DDX60L: variants seen among roughly 807,000 people sequenced by gnomAD.
DDX60L encodes probable ATP-dependent RNA helicase DDX60-like.
DDX60L carries 191 observed loss-of-function variants against 211.6 expected under a neutral mutation model. The observed-to-expected ratio is 0.90, with a 90% confidence interval of 0.80 to 1.02. The LOEUF is 1.02. DDX60L is among the 50% of genes least tolerant of loss of function. The pLI is 0.00. For missense variants in DDX60L, 2,007 were observed against 1,984.1 expected, an observed-to-expected ratio of 1.01 and a Z score of -0.22; for synonymous variants, 706 against 694.1, an observed-to-expected ratio of 1.02 and a Z score of -0.27.
chr4:168,392,041 G>A (rs1457894480), intron 28 of DDX60L, among the ~76,000 whole-genome samples: 1 of 152,138 alleles, frequency 6.6e-6, no homozygotes, highest in African/African-American at 2.4e-5. Flanking sequence ...TCAACACCTG[G>A]AAGAGTATTG....
At chr4:168,389,219 CAT>C (rs1296844565) in intron 29 of DDX60L, among the ~76,000 whole-genome samples, 2 of 152,090 alleles carry the variant, frequency 1.3e-5, no homozygotes, top group African/African-American at 4.8e-5. Context: ...GATTGAGTGA[CAT>C]GAGGACAACA....
intron 4 of DDX60L, among the ~76,000 whole-genome samples, chr4:168,466,135 T>G (rs1757961829): frequency 1.3e-5 from 2 of 152,006 alleles, no homozygotes; most frequent in African/African-American, 4.8e-5. Flanking sequence ...AGCTTAAAAT[T>G]TCAATTTATG....
chr4:168,430,641 G>T lies in DDX60L; in HGVS notation c.1517-3C>A. On this transcript the variant is annotated splice_region_variant and splice_polypyrimidine_tract_variant and intron_variant, in intron 12 of 37. Transcript: ENST00000682922. The stretch of plus-strand genomic sequence containing the variant: ...AACATGAGGATCTCTAGATTGTTCT[G>T]AAATAGAAAGACTTAAAATGTAAAC... 4 of 1,521,286 alleles carry T rather than the reference G, an allele frequency of 2.6e-6. No homozygotes were observed. Among genetic ancestry groups the T allele is most frequent in the Non-Finnish European group, 3.5e-6 (4 of 1,134,296 alleles). The allele number at this position is 1,521,286 out of a possible 1,614,324, so 94.2% of individuals were successfully genotyped here. A position where few individuals can be genotyped will look rare whatever the true frequency, so the allele number is the denominator to read the frequency against.
chr4:168,417,009 A>C (rs1749686561), intron 19 of DDX60L, among the ~76,000 whole-genome samples: 1 of 152,180 alleles, frequency 6.6e-6, no homozygotes, highest in Non-Finnish European at 1.5e-5. Flanking sequence ...ACAGATTCCA[A>C]TTCCAAAAAT....
chr4:168,442,245 CG>C (rs1047917798), intron 9 of DDX60L, among the ~76,000 whole-genome samples: 10 of 152,128 alleles, frequency 6.6e-5, no homozygotes, highest in Non-Finnish European at 1.0e-4. Context: ...GGGTGACGGA[CG>C]GCACCTGGAA....
chr4:168,428,991 CA>C (rs1195981157), intron 13 of DDX60L, among the ~76,000 whole-genome samples: 2 of 152,024 alleles, frequency 1.3e-5, no homozygotes, highest in Admixed American at 6.6e-5. Context: ...TTAATATAAA[CA>C]AAAGTCCAGG....
chr4:168,395,260 T>C (rs1464044470), intron 27 of DDX60L, among the ~76,000 whole-genome samples: 2 of 152,352 alleles, frequency 1.3e-5, no homozygotes, highest in South Asian at 4.1e-4. Context: ...GCTATTAAAA[T>C]AATAATGTAG....
At chr4:168,402,561 T>C (rs1342159329) in intron 25 of DDX60L, among the ~76,000 whole-genome samples, 4 of 152,214 alleles carry the variant, frequency 2.6e-5, no homozygotes, top group Non-Finnish European at 4.4e-5. Context: ...ATTTTTCAAA[T>C]GAGGCTGCAA....
At chr4:168,394,920 C>A (rs1745512733) in intron 27 of DDX60L, among the ~76,000 whole-genome samples, 1 of 152,196 alleles carries the variant, frequency 6.6e-6, no homozygotes, top group South Asian at 2.1e-4. Flanking sequence ...CAGACTACTT[C>A]TCTACTGGAA....
intron 9 of DDX60L, among the ~76,000 whole-genome samples, chr4:168,447,150 T>G (rs1754942581): frequency 7.1e-6 from 1 of 141,570 alleles, no homozygotes; most frequent in Admixed American, 7.3e-5. Flanking sequence ...AGGGCTAATA[T>G]CCAGAATCTA....
intron 33 of DDX60L, 140 bp from the exon 34 acceptor site, chr4:168,375,664 T>C: frequency 1.2e-6 from 1 of 816,754 alleles, no homozygotes; most frequent in South Asian, 2.7e-5. Context: ...ACCTGTGAGA[T>C]TAAGGTAAAA....
At chr4:168,414,033 G>A (rs190160874) in intron 22 of DDX60L, among the ~76,000 whole-genome samples, 4 of 152,234 alleles carry the variant, frequency 2.6e-5, no homozygotes, top group African/African-American at 9.6e-5. Flanking sequence ...ATGTCTGGCA[G>A]CAGACTTCTC....
In DDX60L at chr4:168,448,688, T is replaced by G. The variant is rs747902502; in HGVS notation, c.1088A>C (p.Glu363Ala). The G allele has an allele frequency of 1.9e-6, 3 of 1,597,766 alleles. No individual in the cohort carries two copies. Among genetic ancestry groups the G allele is most frequent in the African/African-American group, 2.7e-5 (2 of 74,660 alleles). ...NLNHVSDLYD[E>A]QLLKNIAFYY... ...GAAGGCTATATTCTTTAACAATTGC[T>G]CATCATACAAGTCAGAAACATGATT... Residue 363 changes from glutamate (E) to alanine (A), a missense_variant, in exon 9 of 38, where the codon GAG (glutamate) becomes GCG (alanine). Coordinates refer to ENST00000682922, the MANE Select transcript of DDX60L (RefSeq NM_001012967.3).
rs1756072850 is a variant in DDX60L at position 168,453,358 on chromosome 4, G to T, written c.838-76C>A. 6 of 1,436,664 alleles carry T rather than the reference G, an allele frequency of 4.2e-6. No individual in the cohort carries two copies. The South Asian group carries it at 8.5e-5, about 20-fold the overall frequency. 89.0% of individuals were successfully genotyped at this position (1,436,664 alleles called of 1,614,324 possible). ...GGCATTGAAATAGGCACTCCACGAA[G>T]ATCATATCTTCAAAGTTTTACATCT... On this transcript the variant is annotated intron_variant, in intron 7 of 37. Coordinates refer to ENST00000682922, the MANE Select transcript of DDX60L (RefSeq NM_001012967.3).
rs1755222173 is a variant in DDX60L at position 168,448,835 on chromosome 4, C to T, written c.997-56G>A. 4 of 1,502,688 alleles carry T rather than the reference C, an allele frequency of 2.7e-6. No individual in the cohort carries two copies. In the East Asian group the frequency reaches 7.0e-5, roughly 26 times the overall value. The allele number at this position is 1,502,688 out of a possible 1,614,324, so 93.1% of individuals were successfully genotyped here. On this transcript the variant is annotated intron_variant, in intron 8 of 37. Coordinates refer to ENST00000682922, the MANE Select transcript of DDX60L (RefSeq NM_001012967.3). ...GGGAGGCATGGAATAATTTCATACTCCTGGTTAACCCCCTATAAGGTAGGT... is the reference window on the plus strand; with the variant it reads ...GGGAGGCATGGAATAATTTCATACTTCTGGTTAACCCCCTATAAGGTAGGT...
chr4:168,461,696 T>C lies in DDX60L; in HGVS notation c.606+3A>G. Reference sequence around the variant, plus strand: ...AAAAAAATGAGTTATTAATGTCAATTACCTCCTTGGAAAAAGTTTGGTTTC... The same window carrying C: ...AAAAAAATGAGTTATTAATGTCAATCACCTCCTTGGAAAAAGTTTGGTTTC... On this transcript the variant is annotated splice_donor_region_variant and intron_variant, in intron 5 of 37. Transcript: ENST00000682922. The C allele has an allele frequency of 4.6e-6, 7 of 1,517,038 alleles. No homozygotes were observed. The highest frequency in any genetic ancestry group is 6.2e-6 in the Non-Finnish European group (7 of 1,129,884). 94.0% of individuals were successfully genotyped at this position (1,517,038 alleles called of 1,614,324 possible).
intron 19 of DDX60L, among the ~76,000 whole-genome samples, chr4:168,419,040 A>G (rs1750034634): frequency 1.3e-5 from 2 of 152,196 alleles, no homozygotes; most frequent in African/African-American, 4.8e-5. Flanking sequence ...CTTCATCCTT[A>G]CAGGGTTGAA....
intron 10 of DDX60L, among the ~76,000 whole-genome samples, chr4:168,435,879 T>C (rs1369801844): frequency 6.6e-6 from 1 of 152,148 alleles, no homozygotes; most frequent in African/African-American, 2.4e-5. Flanking sequence ...AGATGGGAAA[T>C]CAATTCAGCA....
intron 29 of DDX60L, among the ~76,000 whole-genome samples, chr4:168,387,898 G>C (rs1352901617): frequency 1.3e-5 from 2 of 152,178 alleles, no homozygotes; most frequent in South Asian, 2.1e-4. Context: ...TCTGGAGACA[G>C]TGAAGGAAGA....
Sources: gnomAD v4.1 joint callset for allele counts (sites outside exome capture counted in the v4.1 genomes callset) on GRCh38, gnomAD v4.1.1 for gene constraint, MANE v1.5 for transcripts, NCBI Gene and HGNC (gene_info 2026-07-23, HGNC 2026-07-21) for gene names.